Variants in GLIS3 observed in about 807,000 individuals in gnomAD.
GLIS3 encodes the protein zinc finger protein GLIS3.
Under a neutral mutation model 78.6 loss-of-function variants are expected in GLIS3, and 53 were observed. The ratio of observed to expected loss-of-function variants is 0.67; its 90% confidence interval spans 0.54 to 0.85. The LOEUF (loss-of-function observed/expected upper bound fraction) is 0.85. Among genes scored for constraint, GLIS3 ranks in the 40% least tolerant of loss-of-function variants. GLIS3 has a pLI of 0.00. For synonymous variants in GLIS3, 684 were observed against 509.9 expected (o/e 1.34, Z -4.60); for missense variants, 1,703 against 1,231.1 (o/e 1.38, Z -5.74).
At chr9:4,010,284 C>T (rs550134379) in intron 4 of GLIS3, among the ~76,000 whole-genome samples, 34 of 152,302 alleles carry the variant, frequency 2.2e-4, no homozygotes, top group East Asian at 7.7e-4. Flanking sequence ...CCAAGTTATT[C>T]GACCTGATGT....
At chr9:4,311,466 C>A (rs924429211) in intron 2 of GLIS3, among the ~76,000 whole-genome samples, 1 of 152,118 alleles carries the variant, frequency 6.6e-6, no homozygotes, top group African/African-American at 2.4e-5. Flanking sequence ...TCATTTTAGA[C>A]CTTACTCTGA....
chr9:3,945,119 G>A (rs1414320276), intron 4 of GLIS3, among the ~76,000 whole-genome samples: 2 of 152,122 alleles, frequency 1.3e-5, no homozygotes, highest in Non-Finnish European at 2.9e-5. Context: ...TGACACATGG[G>A]GGGACCAAAC....
intron 9 of GLIS3, among the ~76,000 whole-genome samples, chr9:3,841,506 A>T (rs1372624645): frequency 1.3e-5 from 2 of 152,238 alleles, no homozygotes; most frequent in South Asian, 4.1e-4. Context: ...GGGAAGGAGA[A>T]GCAGCACAGG....
intron 4 of GLIS3, among the ~76,000 whole-genome samples, chr9:4,038,112 A>G (rs1002540347): frequency 6.6e-6 from 1 of 152,230 alleles, no homozygotes; most frequent in Admixed American, 6.5e-5. Flanking sequence ...TGGAGGAAGC[A>G]ACCTGGTAAA....
chr9:4,384,527 CCTTA>C, the GLIS3 span, among the ~76,000 whole-genome samples: 1,947 of 149,334 alleles, frequency 0.013, 42 homozygotes, highest in African/African-American at 0.046. Context: ...TTCTTTTCTT[CCTTA>C]CTTCTTTCCT....
chr9:4,288,677 ATTTAT>A (rs1009419360), intron 1 of GLIS3, among the ~76,000 whole-genome samples: 3 of 152,146 alleles, frequency 2.0e-5, no homozygotes, highest in South Asian at 4.1e-4. Context: ...TGGAATGAAT[ATTTAT>A]TTTATTTTAT....
At chr9:4,235,409 G>A (rs898871223) in intron 2 of GLIS3, among the ~76,000 whole-genome samples, 1 of 151,826 alleles carries the variant, frequency 6.6e-6, no homozygotes, top group South Asian at 2.1e-4. Context: ...CACCGCTTAA[G>A]ACTCAAAATG....
intron 2 of GLIS3, among the ~76,000 whole-genome samples, chr9:4,226,673 C>A (rs1821796773): frequency 6.6e-6 from 1 of 152,182 alleles, no homozygotes; most frequent in Non-Finnish European, 1.5e-5. Flanking sequence ...AGCCAAGTCT[C>A]CTTAGCTGGC....
At chr9:4,285,119 C>G (rs3934283) in intron 2 of GLIS3, among the ~76,000 whole-genome samples, 83,155 of 151,990 alleles carry the variant, frequency 0.55, 23,303 homozygotes, top group African/African-American at 0.68. Context: ...ATTCTATTTG[C>G]TGGTGTAAGC....
chr9:4,132,662 T>C (rs1331113153), intron 2 of GLIS3, among the ~76,000 whole-genome samples: 1 of 152,006 alleles, frequency 6.6e-6, no homozygotes, highest in East Asian at 1.9e-4. Context: ...GCCCACAGTC[T>C]AGCCATGAAG....
At chr9:3,945,750 T>C (rs1407339774) in intron 4 of GLIS3, among the ~76,000 whole-genome samples, 1 of 152,180 alleles carries the variant, frequency 6.6e-6, no homozygotes, top group Non-Finnish European at 1.5e-5. Flanking sequence ...AAATATATTT[T>C]CAACTTTCAG....
At chr9:4,015,881 T>C in intron 4 of GLIS3, among the ~76,000 whole-genome samples, 1 of 118,918 alleles carries the variant, frequency 8.4e-6, no homozygotes, top group African/African-American at 3.6e-5. Context: ...AGAGCGAGAC[T>C]CTGTCTCAAA....
chr9:4,022,593 G>A lies in GLIS3; in HGVS notation c.1711-85404C>T, dbSNP rs957477469. Among the ~76,000 whole-genome samples, 4 of 152,116 alleles carry A rather than the reference G, an allele frequency of 2.6e-5. No homozygotes were observed. The East Asian group carries it at 7.7e-4, about 29-fold the overall frequency. Reference sequence around the variant, plus strand: ...TCCTAGTAATTTGCCCCAGAGAAATGCAAACATCTGTCCACAGTGAGACTT... The same window carrying A: ...TCCTAGTAATTTGCCCCAGAGAAATACAAACATCTGTCCACAGTGAGACTT... On this transcript the variant is annotated intron_variant, in intron 4 of 10. Transcript: ENST00000381971.
chr9:4,235,174 C>G (rs1326971060), intron 2 of GLIS3, among the ~76,000 whole-genome samples: 2 of 151,960 alleles, frequency 1.3e-5, no homozygotes, highest in African/African-American at 4.8e-5. Context: ...TGGCACCTGC[C>G]TGTAGTTCCA....
Position 4,286,400 on chromosome 9 carries a change from C to T in GLIS3, c.26G>A (p.Ser9Asn). The T allele has an allele frequency of 1.2e-6, 2 of 1,614,170 alleles. No individual in the cohort carries two copies. The highest frequency in any genetic ancestry group is 2.2e-5 in the South Asian group (2 of 91,076). The change falls in exon 2 of 11, where the codon AGT becomes AAT. Residue 9 changes from serine to asparagine, a missense_variant. Coordinates refer to ENST00000381971, the MANE Select transcript of GLIS3 (RefSeq NM_001042413.2). Reference sequence around the variant, plus strand: ...TGGGGTTCCCGATGTCCGGTGGAGACTCATGCTGCATGATCTTCCATTCAT... The same window carrying T: ...TGGGGTTCCCGATGTCCGGTGGAGATTCATGCTGCATGATCTTCCATTCAT... The part of the protein sequence containing the change: MNGRSCSM[S>N]LHRTSGTPQG...
chr9:3,862,446 T>G (rs1820271594), intron 8 of GLIS3, among the ~76,000 whole-genome samples: 1 of 152,190 alleles, frequency 6.6e-6, no homozygotes, highest in Non-Finnish European at 1.5e-5. Flanking sequence ...TTAGTCTTTC[T>G]AACTAGATAA....
chr9:4,176,010 T>C (rs1488878087), intron 2 of GLIS3, among the ~76,000 whole-genome samples: 2 of 152,190 alleles, frequency 1.3e-5, no homozygotes, highest in African/African-American at 4.8e-5. Context: ...GAGTCCTGAT[T>C]GAGCTCCAAC....
At chr9:4,488,483 T>C in the GLIS3 span, among the ~76,000 whole-genome samples, 1 of 152,118 alleles carries the variant, frequency 6.6e-6, no homozygotes, top group African/African-American at 2.4e-5. Context: ...AGCTGTTTTT[T>C]TACTGTGGGA....
intron 4 of GLIS3, among the ~76,000 whole-genome samples, chr9:4,080,812 G>T (rs934679739): frequency 1.3e-5 from 2 of 152,100 alleles, no homozygotes; most frequent in Non-Finnish European, 2.9e-5. Context: ...GGCAGATAAC[G>T]CAAGGCTCTT....
Sources: gnomAD v4.1 joint callset for allele counts (sites outside exome capture counted in the v4.1 genomes callset) on GRCh38, gnomAD v4.1.1 for gene constraint, MANE v1.5 for transcripts, NCBI Gene and HGNC (gene_info 2026-07-23, HGNC 2026-07-21) for gene names.